FYB1: variants seen among roughly 807,000 people sequenced by gnomAD.
The protein encoded by FYB1 is FYN-binding protein 1.
FYB1 carries 41 observed loss-of-function variants against 94.1 expected under a neutral mutation model. The observed-to-expected ratio is 0.44, with a 90% CI of 0.34 to 0.57. The LOEUF is 0.57. Among genes scored for constraint, FYB1 ranks in the 20% least tolerant of loss-of-function variants. The probability of loss-of-function intolerance (pLI) is 0.02; values close to 1 mark genes in which losing one functional copy is unlikely to be tolerated. For missense variants in FYB1, 1,050 were observed against 976.8 expected (o/e 1.07, Z -1.00); for synonymous variants, 367 against 353.2 (o/e 1.04, Z -0.44).
chr5:39,212,108 C>G (rs971990957), intron 1 of FYB1, among the ~76,000 whole-genome samples: 2 of 152,080 alleles, frequency 1.3e-5, no homozygotes, highest in African/African-American at 4.8e-5. Context: ...GTGATTGAGG[C>G]TAGCCTGGGC....
intron 3 of FYB1, among the ~76,000 whole-genome samples, chr5:39,148,717 A>C (rs543276614): frequency 1.3e-5 from 2 of 152,250 alleles, no homozygotes; most frequent in African/African-American, 4.8e-5. Context: ...CAAAAAATAA[A>C]ACACACACAT....
At chr5:39,173,747 GT>G (rs61476596) in intron 2 of FYB1, among the ~76,000 whole-genome samples, 20,078 of 152,102 alleles carry the variant, frequency 0.13, 2,559 homozygotes, top group East Asian at 0.54. Flanking sequence ...AGATCAGATA[GT>G]TTGTAGAAGT....
At chr5:39,192,968 C>G (rs182356858) in intron 2 of FYB1, among the ~76,000 whole-genome samples, 11 of 152,318 alleles carry the variant, frequency 7.2e-5, no homozygotes, top group Non-Finnish European at 1.5e-4. Flanking sequence ...TTCACCTCCT[C>G]CTCTAAGTGG....
At chr5:39,125,469 T>A (rs1740566316) in intron 12 of FYB1, among the ~76,000 whole-genome samples, 1 of 152,168 alleles carries the variant, frequency 6.6e-6, no homozygotes, top group Non-Finnish European at 1.5e-5. Flanking sequence ...TAATATATCA[T>A]TAGAGTGTAA....
chr5:39,155,692 T>A (rs1441578856), intron 2 of FYB1, among the ~76,000 whole-genome samples: 1 of 152,126 alleles, frequency 6.6e-6, no homozygotes, highest in Non-Finnish European at 1.5e-5. Context: ...GTTGTTGTTG[T>A]TTTTTGTTTT....
At chr5:39,243,005 A>C (rs1355599726) in intron 1 of FYB1, among the ~76,000 whole-genome samples, 1 of 151,996 alleles carries the variant, frequency 6.6e-6, no homozygotes, top group Non-Finnish European at 1.5e-5. Context: ...ATTTCTTGTA[A>C]ATTTGTTTAA....
upstream of FYB1, among the ~76,000 whole-genome samples, chr5:39,222,360 C>G (rs566666303): frequency 1.3e-4 from 20 of 152,284 alleles, no homozygotes; most frequent in African/African-American, 4.6e-4. Context: ...ACAGAAGGCA[C>G]TTTATAAACA....
intron 1 of FYB1, among the ~76,000 whole-genome samples, chr5:39,272,604 G>A (rs1420945884): frequency 2.7e-5 from 4 of 149,878 alleles, no homozygotes; most frequent in South Asian, 2.1e-4. Flanking sequence ...CCCGGGAGGC[G>A]GAGCTTGCAG....
intron 1 of FYB1, among the ~76,000 whole-genome samples, chr5:39,242,956 T>C (rs1348478261): frequency 1.3e-5 from 2 of 152,242 alleles, no homozygotes; most frequent in Non-Finnish European, 2.9e-5. Flanking sequence ...AAGTGTCTGT[T>C]CATATCCTTT....
At chr5:39,185,938 G>A (rs1746744067) in intron 2 of FYB1, among the ~76,000 whole-genome samples, 1 of 152,064 alleles carries the variant, frequency 6.6e-6, no homozygotes, top group African/African-American at 2.4e-5. Context: ...AGAACTACGA[G>A]TGAGCCCTTG....
intron 3 of FYB1, among the ~76,000 whole-genome samples, chr5:39,144,746 G>T (rs1459727766): frequency 6.6e-6 from 1 of 152,134 alleles, no homozygotes; most frequent in Non-Finnish European, 1.5e-5. Flanking sequence ...AGATTGCAGT[G>T]AGCCAAGATC....
At chr5:39,146,171 TC>T (rs1384140083) in intron 3 of FYB1, among the ~76,000 whole-genome samples, 1 of 152,076 alleles carries the variant, frequency 6.6e-6, no homozygotes, top group East Asian at 1.9e-4. Flanking sequence ...TGCCTCAGCC[TC>T]CCAAAGTGCT....
chr5:39,127,150 A>C (rs995183483), intron 11 of FYB1, among the ~76,000 whole-genome samples: 3 of 151,190 alleles, frequency 2.0e-5, no homozygotes, highest in Non-Finnish European at 4.4e-5. Flanking sequence ...TATTGACCTA[A>C]AATATTTTTA....
At chr5:39,182,123 G>C (rs1172998087) in intron 2 of FYB1, among the ~76,000 whole-genome samples, 1 of 152,000 alleles carries the variant, frequency 6.6e-6, no homozygotes, top group Admixed American at 6.6e-5. Context: ...TGACATATAA[G>C]GTTCGGTTCC....
chr5:39,250,299 T>C (rs955112803), intron 1 of FYB1, among the ~76,000 whole-genome samples: 6 of 152,150 alleles, frequency 3.9e-5, no homozygotes, highest in Admixed American at 2.0e-4. Flanking sequence ...TGGTGCCTTG[T>C]GTGTTACCAA....
intron 8 of FYB1, among the ~76,000 whole-genome samples, 164 bp downstream of exon 8, chr5:39,134,691 G>A (rs1741504252): frequency 6.6e-6 from 1 of 152,196 alleles, no homozygotes; most frequent in Admixed American, 6.5e-5. Context: ...GATAACAGAT[G>A]AGGTGAAGAC....
At chr5:39,249,775 C>A (rs1463405817) in intron 1 of FYB1, among the ~76,000 whole-genome samples, 1 of 152,154 alleles carries the variant, frequency 6.6e-6, no homozygotes, top group Non-Finnish European at 1.5e-5. Flanking sequence ...TTACAGAATA[C>A]AAGAGGAGGA....
At chr5:39,199,530 T>C (rs1410375653) in intron 2 of FYB1, among the ~76,000 whole-genome samples, 1 of 152,166 alleles carries the variant, frequency 6.6e-6, no homozygotes, top group African/African-American at 2.4e-5. Context: ...TATGCAACTC[T>C]AGAGAATAAT....
At chr5:39,155,541 C>A (rs1743669359) in intron 2 of FYB1, among the ~76,000 whole-genome samples, 1 of 152,178 alleles carries the variant, frequency 6.6e-6, no homozygotes, top group South Asian at 2.1e-4. Context: ...ATATATCAGA[C>A]TTTTCCTCCA....
Sources: gnomAD v4.1 joint callset for allele counts (sites outside exome capture counted in the v4.1 genomes callset) on GRCh38, gnomAD v4.1.1 for gene constraint, MANE v1.5 for transcripts, NCBI Gene and HGNC (gene_info 2026-07-23, HGNC 2026-07-21) for gene names.